ADGRL3: variants seen among roughly 807,000 people sequenced by gnomAD.
ADGRL3 encodes the protein calcium-independent alpha-latrotoxin receptor 3.
Under a neutral mutation model 153.5 loss-of-function variants are expected in ADGRL3, and 62 were observed. That is an observed-to-expected ratio of 0.40 (90% CI 0.33 to 0.50). The LOEUF (loss-of-function observed/expected upper bound fraction) is 0.50. Ranked by LOEUF, ADGRL3 falls within the 20% of genes least tolerant of loss-of-function variation. The probability of loss-of-function intolerance (pLI) is 0.47; values close to 1 mark genes in which losing one functional copy is unlikely to be tolerated. For synonymous variants in ADGRL3, 710 were observed against 672.5 expected (o/e 1.06, Z -0.86); for missense variants, 1,641 against 1,859.4 (o/e 0.88, Z 2.16).
At chr4:62,069,025 C>A (rs781550042) in intron 26 of ADGRL3, among the ~76,000 whole-genome samples, 1 of 151,830 alleles carries the variant, frequency 6.6e-6, no homozygotes, top group Non-Finnish European at 1.5e-5. Context: ...AAATAAGCAC[C>A]CTTTCTTATT....
At chr4:62,002,347 C>T (rs887475132) in intron 21 of ADGRL3, among the ~76,000 whole-genome samples, 3 of 150,304 alleles carry the variant, frequency 2.0e-5, no homozygotes, top group Non-Finnish European at 4.4e-5. Flanking sequence ...CAGATCTTAT[C>T]TCTGCTGTTT....
intron 21 of ADGRL3, among the ~76,000 whole-genome samples, chr4:62,018,475 T>G (rs1311835255): frequency 1.3e-5 from 2 of 152,082 alleles, no homozygotes; most frequent in Non-Finnish European, 2.9e-5. Flanking sequence ...AGCATCGCAG[T>G]GGTGATTGCA....
At chr4:61,957,549 G>T (rs955876428) in intron 17 of ADGRL3, among the ~76,000 whole-genome samples, 6 of 144,378 alleles carry the variant, frequency 4.2e-5, no homozygotes, top group South Asian at 2.2e-4. Context: ...TTACATTTAT[G>T]TATTTATTTA....
At chr4:61,854,085 A>G in intron 9 of ADGRL3, among the ~76,000 whole-genome samples, 1 of 152,154 alleles carries the variant, frequency 6.6e-6, no homozygotes. Flanking sequence ...CTGGGAATTT[A>G]TTGCCTCTTT....
chr4:61,948,027 T>G (rs2098932672), intron 16 of ADGRL3, 73 bp from the exon 17 acceptor site: 1 of 1,271,942 alleles, frequency 7.9e-7, no homozygotes, highest in Non-Finnish European at 1.1e-6. Flanking sequence ...GTATTATATG[T>G]AAAGAAAATG....
Position 62,078,160 on chromosome 4 carries a change from G to A in ADGRL3, c.*7252G>A, listed in dbSNP as rs1747735247. 1 of 151,880 alleles carries A rather than the reference G, an allele frequency of 6.6e-6. No homozygotes were observed. Among genetic ancestry groups the A allele is most frequent in the Non-Finnish European group, 1.5e-5 (1 of 67,866 alleles). 9.4% of individuals were successfully genotyped at this position (151,880 alleles called of 1,614,324 possible). On this transcript the variant is annotated 3_prime_UTR_variant, in exon 27 of 27. Coordinates refer to ENST00000683033, the MANE Select transcript of ADGRL3 (RefSeq NM_001387552.1). ...AGCTATTGTGGCTTTGGTCGCTTAG[G>A]ATTCTCATATATTTACACATGGCAT...
intron 1 of ADGRL3, among the ~76,000 whole-genome samples, chr4:61,379,107 T>C (rs2096638156): frequency 6.6e-6 from 1 of 151,912 alleles, no homozygotes. Context: ...TAGAGAGAGG[T>C]GGCACAAGAT....
intron 25 of ADGRL3, among the ~76,000 whole-genome samples, chr4:62,065,564 C>T (rs1000549355): frequency 6.6e-6 from 1 of 151,972 alleles, no homozygotes; most frequent in African/African-American, 2.4e-5. Context: ...GATTTTCACC[C>T]TATCTGGAAA....
chr4:61,898,705 A>G (rs58327167), intron 11 of ADGRL3, among the ~76,000 whole-genome samples: 75,591 of 150,944 alleles, frequency 0.5, 19,105 homozygotes, highest in African/African-American at 0.56. Flanking sequence ...TGCAACCTCC[A>G]ACTCCCAGGT....
intron 1 of ADGRL3, among the ~76,000 whole-genome samples, chr4:61,366,085 T>C (rs916099767): frequency 1.3e-5 from 2 of 152,202 alleles, no homozygotes; most frequent in East Asian, 3.8e-4. Flanking sequence ...GATCCTTTCC[T>C]TGAAAATAGT....
chr4:61,253,687 A>T (rs1165608446), intron 1 of ADGRL3, among the ~76,000 whole-genome samples: 1 of 112,866 alleles, frequency 8.9e-6, no homozygotes, highest in Admixed American at 1.1e-4. Flanking sequence ...TTGTATGTTC[A>T]GTTCCACACA....
intron 2 of ADGRL3, among the ~76,000 whole-genome samples, chr4:61,415,851 A>T (rs1216916249): frequency 2.0e-5 from 3 of 152,034 alleles, no homozygotes; most frequent in Non-Finnish European, 4.4e-5. Flanking sequence ...TATGGCATGA[A>T]GTTTCTCAAA....
intron 2 of ADGRL3, among the ~76,000 whole-genome samples, chr4:61,410,085 A>G (rs766659321): frequency 2.0e-5 from 3 of 152,050 alleles, no homozygotes; most frequent in Non-Finnish European, 4.4e-5. Flanking sequence ...GGATGGAATA[A>G]GTTAAATTGT....
Position 62,074,217 on chromosome 4 carries a change from C to G in ADGRL3, c.*3309C>G, listed in dbSNP as rs1302187444. 6.6e-6 allele frequency: 1 copy of G among 152,006 alleles called. No homozygotes were observed. The highest frequency in any genetic ancestry group is 1.5e-5 in the Non-Finnish European group (1 of 67,992). 9.4% of individuals were successfully genotyped at this position (152,006 alleles called of 1,614,324 possible). On this transcript the variant is annotated 3_prime_UTR_variant, in exon 27 of 27. Coordinates refer to ENST00000683033, the MANE Select transcript of ADGRL3 (RefSeq NM_001387552.1). ...CAGTAAGAAGTAAATTTCCGTCAAA[C>G]AGATGTAGTATACCGCTATAATACA...
intron 25 of ADGRL3, among the ~76,000 whole-genome samples, chr4:62,047,034 A>T (rs1337531161): frequency 6.6e-6 from 1 of 152,022 alleles, no homozygotes; most frequent in Non-Finnish European, 1.5e-5. Flanking sequence ...CAACATAATT[A>T]TTCACTTCTG....
In ADGRL3 at chr4:62,024,185, T is replaced by G. The variant is rs566686780; in HGVS notation, c.3396-4670T>G. Among the ~76,000 whole-genome samples the G allele has an allele frequency of 1.5e-3, 228 of 152,218 alleles. 1 individual carries two copies. Among genetic ancestry groups the G allele is most frequent in the African/African-American group, 5.4e-3 (223 of 41,548 alleles). ...CTGTCATTGATCTGATATTTATTGG[T>G]CTTAATTTATTATACTCAGTTTTTC... On this transcript the variant is annotated intron_variant, in intron 21 of 26. Transcript: ENST00000683033.
chr4:61,227,173 A>T (rs1748366521), intron 1 of ADGRL3, among the ~76,000 whole-genome samples: 1 of 152,050 alleles, frequency 6.6e-6, no homozygotes, highest in Non-Finnish European at 1.5e-5. Flanking sequence ...GCAGAAGATG[A>T]CTTGGAGGTT....
intron 1 of ADGRL3, among the ~76,000 whole-genome samples, chr4:61,332,342 A>G (rs1320365372): frequency 6.6e-6 from 1 of 152,148 alleles, no homozygotes; most frequent in Non-Finnish European, 1.5e-5. Context: ...TTCTGAGTGA[A>G]GGGAGATTGA....
intron 6 of ADGRL3, among the ~76,000 whole-genome samples, chr4:61,702,382 CA>C (rs1207094130): frequency 2.6e-5 from 4 of 152,156 alleles, no homozygotes; most frequent in African/African-American, 9.7e-5. Context: ...ATGCCATTTG[CA>C]TGGATTTTTC....
Sources: gnomAD v4.1 joint callset for allele counts (sites outside exome capture counted in the v4.1 genomes callset) on GRCh38, gnomAD v4.1.1 for gene constraint, MANE v1.5 for transcripts, NCBI Gene and HGNC (gene_info 2026-07-23, HGNC 2026-07-21) for gene names.